Variants in SH3PXD2A observed in about 807,000 individuals in gnomAD.
SH3PXD2A encodes SH3 and PX domains 2A, also known as SH3 and PX domain-containing protein 2A.
A neutral mutation model predicts 115.2 loss-of-function variants in SH3PXD2A; 32 were observed. The ratio of observed to expected loss-of-function variants is 0.28; its 90% CI spans 0.21 to 0.37. The LOEUF (loss-of-function observed/expected upper bound fraction) is 0.37. Among genes scored for constraint, SH3PXD2A ranks in the 10% least tolerant of loss-of-function variants. The pLI is 1.00. For missense variants in SH3PXD2A, 1,328 were observed against 1,498.7 expected (o/e 0.89, Z 1.88); for synonymous variants, 610 against 629.1 (o/e 0.97, Z 0.45).
chr10:103,717,387 G>T (rs1283126531), intron 5 of SH3PXD2A, among the ~76,000 whole-genome samples: 4 of 152,210 alleles, frequency 2.6e-5, no homozygotes, highest in Non-Finnish European at 5.9e-5. Flanking sequence ...TCTAGGGAGG[G>T]CTTTCTGGAG....
At chr10:103,618,068 G>A (rs1404933674) in intron 10 of SH3PXD2A, among the ~76,000 whole-genome samples, 4 of 152,218 alleles carry the variant, frequency 2.6e-5, no homozygotes, top group East Asian at 3.9e-4. Flanking sequence ...TGCCAACCAC[G>A]CAGCCGAGGC....
At chr10:103,716,958 C>T (rs1182974154) in intron 5 of SH3PXD2A, among the ~76,000 whole-genome samples, 2 of 152,220 alleles carry the variant, frequency 1.3e-5, no homozygotes, top group Non-Finnish European at 2.9e-5. Context: ...CCCCATCCCA[C>T]CATGATGGGG....
intron 8 of SH3PXD2A, among the ~76,000 whole-genome samples, chr10:103,648,010 G>T (rs2037060884): frequency 1.3e-5 from 2 of 152,114 alleles, no homozygotes; most frequent in Admixed American, 6.5e-5. Flanking sequence ...CTGCTCCAAC[G>T]TGCTAGCCAC....
chr10:103,694,957 C>T (rs759895811), intron 5 of SH3PXD2A, among the ~76,000 whole-genome samples: 1 of 152,190 alleles, frequency 6.6e-6, no homozygotes, highest in Non-Finnish European at 1.5e-5. Flanking sequence ...GCTGTGCCCC[C>T]CAAAAGCTCA....
At chr10:103,743,115 C>A (rs1052108848) in intron 3 of SH3PXD2A, among the ~76,000 whole-genome samples, 2 of 152,158 alleles carry the variant, frequency 1.3e-5, no homozygotes, top group African/African-American at 4.8e-5. Flanking sequence ...GATCCCATGT[C>A]CAGCTGCCCT....
chr10:103,618,866 C>A (rs1034900499), intron 10 of SH3PXD2A, among the ~76,000 whole-genome samples: 2 of 152,150 alleles, frequency 1.3e-5, no homozygotes, highest in Non-Finnish European at 2.9e-5. Flanking sequence ...GCCACCCCAA[C>A]CCCCAGCTGT....
At chr10:103,834,844 T>C (rs2039515204) in intron 1 of SH3PXD2A, among the ~76,000 whole-genome samples, 2 of 152,276 alleles carry the variant, frequency 1.3e-5, no homozygotes, top group Admixed American at 1.3e-4. Context: ...CAAGCAGCCC[T>C]GCGGCCTGTA....
intron 2 of SH3PXD2A, among the ~76,000 whole-genome samples, chr10:103,772,628 C>G (rs530875747): frequency 2.0e-5 from 3 of 152,320 alleles, no homozygotes; most frequent in African/African-American, 7.2e-5. Context: ...AGATAGGGGA[C>G]AGCTGGGCTC....
At position 103,838,069 on chromosome 10, in the gene SH3PXD2A, G is replaced by A. The variant is rs191566123; in HGVS notation, c.72+17126C>T. ...GCTGCGGAAACTGAGCCCCCAGGGT[G>A]AAGGACTCCTCACAGAACTCAGCTA... On this transcript the variant is annotated intron_variant, in intron 1 of 14. Coordinates refer to ENST00000369774, the MANE Select transcript of SH3PXD2A (RefSeq NM_001394015.1). 3.3e-5 allele frequency among the ~76,000 whole-genome samples: 5 copies of A among 152,320 alleles called. No individual in the cohort carries two copies. In the East Asian group the frequency reaches 9.7e-4, roughly 29 times the overall value.
intron 5 of SH3PXD2A, among the ~76,000 whole-genome samples, chr10:103,695,492 A>G (rs1393862260): frequency 6.6e-6 from 1 of 151,326 alleles, no homozygotes; most frequent in Non-Finnish European, 1.5e-5. Flanking sequence ...CTGAGTGACA[A>G]GTGAGACTCT....
Position 103,600,326 on chromosome 10 carries a change from C to A in SH3PXD2A, c.*1490G>T, listed in dbSNP as rs1199834166. 6.6e-6 allele frequency: 1 copy of A among 152,492 alleles called. No homozygotes were observed. The highest frequency in any genetic ancestry group is 1.5e-5 in the Non-Finnish European group (1 of 68,056). The allele number at this position is 152,492 out of a possible 1,614,324, so 9.4% of individuals were successfully genotyped here. A position where few individuals can be genotyped will look rare whatever the true frequency, so the allele number is the denominator to read the frequency against. ...ACCTACAGGGAACTTTATTCTCTCG[C>A]TTCTGTCTTCACTGGGGCACTGACC... is the stretch of plus-strand genomic sequence containing the variant. On this transcript the variant is annotated 3_prime_UTR_variant, in exon 15 of 15. Transcript: ENST00000369774.
At chr10:103,697,411 A>G (rs1331444352) in intron 5 of SH3PXD2A, among the ~76,000 whole-genome samples, 1 of 152,198 alleles carries the variant, frequency 6.6e-6, no homozygotes. Context: ...AGAGCCCCTG[A>G]AACAAAAGGA....
chr10:103,603,054 A>C lies in SH3PXD2A; in HGVS notation c.2164T>G (p.Ser722Ala). The C allele has an allele frequency of 6.2e-7, 1 of 1,613,808 alleles. No individual in the cohort carries two copies. Among genetic ancestry groups the C allele is most frequent in the Non-Finnish European group, 8.5e-7 (1 of 1,180,032 alleles). The change falls in exon 15 of 15, where the codon TCT becomes GCT. Residue 722 changes from serine to alanine, a missense_variant. Ser to Ala is a moderately conservative substitution (Grantham distance 99). This residue lies in a region of SH3PXD2A where 574 missense variants were observed against 565.7 expected (regional missense o/e 1.01). Coordinates refer to ENST00000369774, the MANE Select transcript of SH3PXD2A (RefSeq NM_001394015.1). Reference protein sequence around the residue: ...SKTSGDLKPRSASDAGIRGTP... With the variant: ...SKTSGDLKPRAASDAGIRGTP... ...CCGCGGATGCCTGCGTCCGAAGCAG[A>C]GCGGGGCTTCAGGTCGCCACTGGTT...
chr10:103,748,312 T>G (rs1231825826), intron 3 of SH3PXD2A, among the ~76,000 whole-genome samples: 3 of 152,132 alleles, frequency 2.0e-5, no homozygotes, highest in Non-Finnish European at 4.4e-5. Flanking sequence ...CACAGTCTCT[T>G]TCTTTGGGCA....
chr10:103,611,896 G>A (rs1317971161), intron 12 of SH3PXD2A, among the ~76,000 whole-genome samples: 4 of 152,186 alleles, frequency 2.6e-5, no homozygotes, highest in African/African-American at 9.7e-5. Flanking sequence ...GTGCAGCTAT[G>A]TGGGCATTTT....
chr10:103,635,050 G>A (rs1169672236), intron 8 of SH3PXD2A, among the ~76,000 whole-genome samples: 2 of 152,174 alleles, frequency 1.3e-5, no homozygotes. Context: ...CAGCCTGAGG[G>A]CATCAGGAGG....
At chr10:103,774,251 A>G (rs55908118) in intron 2 of SH3PXD2A, among the ~76,000 whole-genome samples, 12,036 of 152,200 alleles carry the variant, frequency 0.079, 610 homozygotes, top group South Asian at 0.14. Context: ...GTGTTTCTTC[A>G]TTCTGTTTTC....
intron 1 of SH3PXD2A, among the ~76,000 whole-genome samples, chr10:103,828,850 G>A (rs1017646515): frequency 2.0e-5 from 3 of 152,176 alleles, no homozygotes; most frequent in Admixed American, 2.0e-4. Flanking sequence ...GATTGCTTGG[G>A]TGAGCCACGA....
At chr10:103,854,791 G>A (rs1842925156) in intron 1 of SH3PXD2A, among the ~76,000 whole-genome samples, 1 of 152,152 alleles carries the variant, frequency 6.6e-6, no homozygotes, top group Non-Finnish European at 1.5e-5. Context: ...TCTCCAGGGC[G>A]AGCTCTGAAA....
Sources: allele counts gnomAD v4.1 joint callset (sites outside exome capture counted in the v4.1 genomes callset), GRCh38; gene constraint gnomAD v4.1.1; regional missense constraint gnomAD v4.1.1; transcripts MANE v1.5; gene names NCBI Gene and HGNC (gene_info 2026-07-23, HGNC 2026-07-21).